The following MYO16 variants were observed in gnomAD, a reference collection of about 807,000 sequenced individuals.
The protein encoded by MYO16 is myosin XVI.
In MYO16, 94 loss-of-function variants were observed where a neutral mutation model predicts 205.3. The ratio of observed to expected loss-of-function variants is 0.46; its 90% CI spans 0.39 to 0.54. The LOEUF (loss-of-function observed/expected upper bound fraction) is 0.54. MYO16 is among the 20% of genes least tolerant of loss of function. The pLI is 0.00. For synonymous variants in MYO16, 988 were observed against 954.0 expected, an observed-to-expected ratio of 1.04 and a Z score of -0.66; for missense variants, 2,315 against 2,387.5, an observed-to-expected ratio of 0.97 and a Z score of 0.63.
chr13:108,910,268 T>TATCCAACAGTTATC, intron 16 of MYO16, 118 bp downstream of exon 16: 1 of 1,141,654 alleles, frequency 8.8e-7, no homozygotes. Context: ...AAGATAACTG[T>TATCCAACAGTTATC]TGGATACTGT....
At chr13:109,179,478 A>G in intron 33 of MYO16, 64 bp from the exon 34 acceptor site, 5 of 1,003,372 alleles carry the variant, frequency 5.0e-6, no homozygotes, top group Non-Finnish European at 8.0e-6. Context: ...TAATGAGTGC[A>G]TGACTTACTT....
intron 20 of MYO16, among the ~76,000 whole-genome samples, chr13:108,971,493 TATTC>T (rs56842540): frequency 6.6e-6 from 1 of 151,212 alleles, no homozygotes; most frequent in African/African-American, 2.4e-5. Flanking sequence ...AGTATACTTT[TATTC>T]ATTCATTCAT....
At chr13:108,595,719 C>T (rs1232914168), upstream of MYO16, among the ~76,000 whole-genome samples, 3 of 152,092 alleles carry the variant, frequency 2.0e-5, no homozygotes, top group Non-Finnish European at 2.9e-5. Context: ...CTTCACGCCT[C>T]CTCTTCTGTC....
chr13:109,107,535 CT>C (rs909503640), intron 28 of MYO16, among the ~76,000 whole-genome samples: 36 of 152,026 alleles, frequency 2.4e-4, no homozygotes, highest in African/African-American at 8.7e-4. Context: ...CTACCTCTCA[CT>C]TTTTTTACAT....
chr13:108,526,666 T>C, the MYO16 span, among the ~76,000 whole-genome samples: 2 of 152,188 alleles, frequency 1.3e-5, no homozygotes, highest in African/African-American at 4.8e-5. Context: ...AAAAATACAA[T>C]TTACATATTT....
intron 16 of MYO16, among the ~76,000 whole-genome samples, chr13:108,923,482 C>T (rs771015601): frequency 1.3e-5 from 2 of 152,238 alleles, no homozygotes; most frequent in Non-Finnish European, 2.9e-5. Flanking sequence ...CTGGTAAGGG[C>T]AGTGGGGTTT....
chr13:108,940,960 A>G (rs1165142772), intron 16 of MYO16, among the ~76,000 whole-genome samples: 2 of 152,252 alleles, frequency 1.3e-5, no homozygotes, highest in Non-Finnish European at 2.9e-5. Context: ...GTCAAGGAGT[A>G]TAATGTGTCT....
the MYO16 span, among the ~76,000 whole-genome samples, chr13:108,551,295 T>A: frequency 2.0e-5 from 3 of 152,178 alleles, 1 homozygote; most frequent in Middle Eastern, 0.01. Flanking sequence ...AGCTGAAGAG[T>A]CCCTCCTCCT....
chr13:108,694,686 C>T (rs1183277091), intron 2 of MYO16, among the ~76,000 whole-genome samples: 1 of 152,006 alleles, frequency 6.6e-6, no homozygotes, highest in Non-Finnish European at 1.5e-5. Context: ...TTGATAATGT[C>T]CTTTAATGCA....
chr13:109,001,793 A>G (rs1362360927), intron 21 of MYO16, among the ~76,000 whole-genome samples: 1 of 152,142 alleles, frequency 6.6e-6, no homozygotes, highest in African/African-American at 2.4e-5. Flanking sequence ...ACTTAACTCC[A>G]TATTTCCCCA....
At chr13:108,941,255 G>T (rs752544861) in intron 16 of MYO16, among the ~76,000 whole-genome samples, 1 of 152,116 alleles carries the variant, frequency 6.6e-6, no homozygotes, top group Non-Finnish European at 1.5e-5. Context: ...GAAGCAGCCA[G>T]ACAGGAGAGG....
intron 23 of MYO16, among the ~76,000 whole-genome samples, chr13:109,041,151 T>A (rs1886872170): frequency 6.6e-6 from 1 of 152,138 alleles, no homozygotes; most frequent in Non-Finnish European, 1.5e-5. Flanking sequence ...TCTAACAAAA[T>A]ATGTAGGGAA....
intron 32 of MYO16, among the ~76,000 whole-genome samples, chr13:109,153,883 A>G (rs1877829218): frequency 6.6e-6 from 1 of 152,178 alleles, no homozygotes; most frequent in Non-Finnish European, 1.5e-5. Context: ...GTCCCTGGTG[A>G]AGTGTGAATC....
At chr13:108,705,136 C>T (rs1883458672) in intron 2 of MYO16, among the ~76,000 whole-genome samples, 1 of 152,090 alleles carries the variant, frequency 6.6e-6, no homozygotes, top group Non-Finnish European at 1.5e-5. Context: ...GTTTAAATTG[C>T]ACAACATTCT....
At chr13:109,046,076 G>A (rs1011931767) in intron 23 of MYO16, among the ~76,000 whole-genome samples, 2 of 150,560 alleles carry the variant, frequency 1.3e-5, no homozygotes, top group East Asian at 3.9e-4. Flanking sequence ...CATGGCTGAT[G>A]CTCACCCCCT....
intron 11 of MYO16, among the ~76,000 whole-genome samples, chr13:108,863,520 C>T (rs1048773734): frequency 6.6e-6 from 1 of 152,018 alleles, no homozygotes; most frequent in Non-Finnish European, 1.5e-5. Context: ...TAGAAACCAA[C>T]CTTGCATTTC....
At chr13:108,915,531 T>A (rs1020489705) in intron 16 of MYO16, among the ~76,000 whole-genome samples, 1 of 152,176 alleles carries the variant, frequency 6.6e-6, no homozygotes, top group Non-Finnish European at 1.5e-5. Context: ...GCTATTTCAA[T>A]TTTTCTTACC....
intron 9 of MYO16, among the ~76,000 whole-genome samples, chr13:108,834,326 G>A (rs1876781190): frequency 6.6e-6 from 1 of 152,098 alleles, no homozygotes; most frequent in Non-Finnish European, 1.5e-5. Context: ...GAAATATGTG[G>A]GCTATGTTCT....
At chr13:108,614,426 C>A (rs1879279640) in intron 1 of MYO16, among the ~76,000 whole-genome samples, 1 of 152,000 alleles carries the variant, frequency 6.6e-6, no homozygotes, top group Non-Finnish European at 1.5e-5. Flanking sequence ...AAAATGCAAT[C>A]CCTATTAAAA....
Sources: gnomAD v4.1 joint callset for allele counts (sites outside exome capture counted in the v4.1 genomes callset) on GRCh38, gnomAD v4.1.1 for gene constraint, MANE v1.5 for transcripts, NCBI Gene and HGNC (gene_info 2026-07-23, HGNC 2026-07-21) for gene names.